The following RESP18 variants were observed in gnomAD, a reference collection of about 807,000 sequenced individuals.
RESP18 encodes regulated endocrine specific protein 18.
A neutral mutation model predicts 30.0 loss-of-function variants in RESP18; 30 were observed. That is an observed-to-expected ratio of 1.00 (90% CI 0.75 to 1.36). The LOEUF (loss-of-function observed/expected upper bound fraction) is 1.36. Ranked by LOEUF, RESP18 falls within the 40% of genes most tolerant of loss-of-function variation. The pLI is 0.00. For missense variants in RESP18, 320 were observed against 284.2 expected, an observed-to-expected ratio of 1.13 and a Z score of -0.91; for synonymous variants, 117 against 111.2, an observed-to-expected ratio of 1.05 and a Z score of -0.33.
intron 1 of RESP18, among the ~76,000 whole-genome samples, 158 bp from the exon 1 acceptor site, chr2:219,332,902 C>A (rs1166838388): frequency 6.6e-6 from 1 of 152,144 alleles, no homozygotes; most frequent in Non-Finnish European, 1.5e-5. Context: ...CGCCTGTACT[C>A]CCAGTCCTAA....
chr2:219,329,522 C>T (rs1182031027), intron 4 of RESP18, 115 bp downstream of exon 3: 1 of 1,416,610 alleles, frequency 7.1e-7, no homozygotes, highest in Non-Finnish European at 9.4e-7. Flanking sequence ...AACAGGACCT[C>T]TGAATTCTCA....
chr2:219,328,793 CTG>C, intron 6 of RESP18, 129 bp downstream of exon 5: 1 of 633,868 alleles, frequency 1.6e-6, no homozygotes, highest in Non-Finnish European at 2.8e-6. Flanking sequence ...GTGAGGGTCT[CTG>C]AGCTGCACCT....
At position 219,331,413 on chromosome 2, in the gene RESP18, C is replaced by T. The variant is rs1381419626; in HGVS notation, c.233-538G>A. On this transcript the variant is annotated intron_variant, in intron 2 of 6. Coordinates refer to ENST00000333527, the MANE Select transcript of RESP18 (RefSeq NM_001007089.4). Reference sequence around the variant, plus strand: ...TAATGCTATGCACACCTTCCTTCTTCCAGATCAGTGAGATAGGGCTGGAGG... The same window carrying T: ...TAATGCTATGCACACCTTCCTTCTTTCAGATCAGTGAGATAGGGCTGGAGG... Among the ~76,000 whole-genome samples, 6 of 152,280 alleles carry T rather than the reference C, an allele frequency of 3.9e-5. No individual in the cohort carries two copies. The South Asian group carries it at 1.0e-3, about 26-fold the overall frequency.
At chr2:219,331,900 C>A (rs1203521118) in intron 2 of RESP18, among the ~76,000 whole-genome samples, 1 of 152,250 alleles carries the variant, frequency 6.6e-6, no homozygotes, top group African/African-American at 2.4e-5. Context: ...CCTGAATCCG[C>A]TGCATTGGCC....
At chr2:219,327,751 C>T (rs72957431) in intron 6 of RESP18, among the ~76,000 whole-genome samples, 188 bp from the exon 6 acceptor site, 298 of 152,310 alleles carry the variant, frequency 2.0e-3, no homozygotes, top group Admixed American at 3.6e-3. Flanking sequence ...CCATGGTTTG[C>T]CCTTAAGCTT....
At chr2:219,332,841 G>C in intron 1 of RESP18, 97 bp from the exon 1 acceptor site, 1 of 967,050 alleles carries the variant, frequency 1.0e-6, no homozygotes. Context: ...CTCATCTCTT[G>C]GAATTCCTGA....
chr2:219,327,688 A>G, intron 6 of RESP18, 125 bp from the exon 6 acceptor site: 1 of 806,750 alleles, frequency 1.2e-6, no homozygotes, highest in Non-Finnish European at 2.1e-6. Context: ...GCATGGTGAC[A>G]GCTCACCAAC....
chr2:219,330,113 G>C (rs1028326406), intron 3 of RESP18, among the ~76,000 whole-genome samples: 8 of 152,132 alleles, frequency 5.3e-5, no homozygotes, highest in African/African-American at 1.9e-4. Context: ...CCCACCCCTA[G>C]GGCTTCTGAT....
intron 6 of RESP18, among the ~76,000 whole-genome samples, chr2:219,327,791 T>C (rs1284754569): frequency 1.3e-5 from 2 of 152,174 alleles, no homozygotes; most frequent in African/African-American, 2.4e-5. Flanking sequence ...AGCTTCTTGT[T>C]TGCATTATTC....
chr2:219,333,048 CTT>C lies in RESP18; in HGVS notation c.17+111_17+112del, dbSNP rs200592684. ...AGTTTATTTTATTATCCTTGACACTCTTTACTCTGGCCCACTTAAAACCCTTT... is the reference window on the plus strand; with the variant it reads ...AGTTTATTTTATTATCCTTGACACTCTACTCTGGCCCACTTAAAACCCTTT... On this transcript the variant is annotated intron_variant, in intron 1 of 6. Transcript: ENST00000333527. 654 of 976,858 alleles carry C rather than the reference CTT, an allele frequency of 6.7e-4. 8 individuals carry two copies. In the East Asian group the frequency reaches 0.017, roughly 25 times the overall value. 60.5% of individuals were successfully genotyped at this position (976,858 alleles called of 1,614,324 possible).
chr2:219,329,525 A>AATT (rs3832109), intron 4 of RESP18, 112 bp downstream of exon 3: 472,873 of 1,538,198 alleles, frequency 0.31, 86,899 homozygotes, highest in African/African-American at 0.85. Flanking sequence ...AGGACCTCTG[A>AATT]ATTCTCACAG....
At chr2:219,331,014 A>C (rs1952825405) in intron 2 of RESP18, 139 bp from the exon 2 acceptor site, 7 of 597,448 alleles carry the variant, frequency 1.2e-5, no homozygotes, top group East Asian at 2.9e-5. Context: ...TGTCCACTTC[A>C]AGTCTTCTTT....
chr2:219,331,633 G>T (rs557615336), intron 2 of RESP18, among the ~76,000 whole-genome samples: 3 of 152,226 alleles, frequency 2.0e-5, no homozygotes, highest in Non-Finnish European at 4.4e-5. Flanking sequence ...ACCCTGAGGA[G>T]AAGGGAAAGA....
In RESP18 at chr2:219,329,489, G is replaced by A. The variant is rs1574948008; in HGVS notation, c.465+148C>T. On this transcript the variant is annotated intron_variant, in intron 4 of 6. Coordinates refer to ENST00000333527, the MANE Select transcript of RESP18 (RefSeq NM_001007089.4). The stretch of plus-strand genomic sequence containing the variant: ...TTTGCAGATATCACTAATGGATCAT[G>A]AAATTCTTCTCTGCTGATTCCAAAC... The A allele has an allele frequency of 1.9e-6, 3 of 1,547,270 alleles. No individual in the cohort carries two copies. In the South Asian group the frequency reaches 3.6e-5, roughly 18 times the overall value.
chr2:219,332,680 C>T lies in RESP18; in HGVS notation c.76G>A (p.Ala26Thr), dbSNP rs1344013759. Residue 26 changes from alanine to threonine, a missense_variant, in exon 2 of 7, where the codon GCT (alanine) becomes ACT (threonine). Physicochemically the swap from Ala to Thr is moderately conservative, Grantham distance 58 (BLOSUM62 0). Transcript: ENST00000333527. ...CCCGGCCAAGTCTCAGTGAAGGTAG[C>T]GGCCACGGCCGAGGGGCTGAGCGGG... 1.9e-6 allele frequency: 3 copies of T among 1,550,942 alleles called. No homozygotes were observed. Among genetic ancestry groups the T allele is most frequent in the Middle Eastern group, 1.7e-4 (1 of 5,992 alleles).
In RESP18 at chr2:219,327,674, T is replaced by G. The variant is rs892169983; in HGVS notation, c.641-111A>C. The G allele has an allele frequency of 7.7e-6, 7 of 905,192 alleles. No individual in the cohort carries two copies. In the Admixed American group the frequency reaches 1.0e-4, roughly 13 times the overall value. The allele number at this position is 905,192 out of a possible 1,614,324, so 56.1% of individuals were successfully genotyped here. A position where few individuals can be genotyped will look rare whatever the true frequency, so the allele number is the denominator to read the frequency against. The stretch of plus-strand genomic sequence containing the variant: ...AGTAACAGCCTGATTTGAGTAACCC[T>G]TCAGCATGGTGACAGCTCACCAACT... On this transcript the variant is annotated intron_variant, in intron 6 of 6. Transcript: ENST00000333527.
Position 219,329,226 on chromosome 2 carries a change from A to T in RESP18, c.492T>A (p.Asp164Glu). Residue 164 changes from aspartate (D) to glutamate (E), a missense_variant, in exon 5 of 7, where the codon GAT becomes GAA. Physicochemically the swap from Asp to Glu is conservative, Grantham distance 45. Coordinates refer to ENST00000333527, the MANE Select transcript of RESP18 (RefSeq NM_001007089.4). ...AAACCACTTCGGAGGTAAAGCACTG[A>T]TCCCTGTTCACCTTGGCCAGGGGGC... The T allele has an allele frequency of 1.3e-6, 2 of 1,551,672 alleles. No individual in the cohort carries two copies. The highest frequency in any genetic ancestry group is 1.7e-6 in the Non-Finnish European group (2 of 1,146,970).
At position 219,330,831 on chromosome 2, in the gene RESP18, C is replaced by T; in HGVS notation, c.277G>A (p.Gly93Arg). 1 of 1,551,534 alleles carries T rather than the reference C, an allele frequency of 6.4e-7. No individual in the cohort carries two copies. Among genetic ancestry groups the T allele is most frequent in the Non-Finnish European group, 8.7e-7 (1 of 1,146,934 alleles). The change falls in exon 3 of 7, where the codon GGA becomes AGA. Residue 93 changes from glycine (G) to arginine (R), a missense_variant. Coordinates refer to ENST00000333527, the MANE Select transcript of RESP18 (RefSeq NM_001007089.4). ...TGCTGGAAGACTGGGGTGGCAAATC[C>T]TTGGAGGGGCCAAAGCTGCCCCACT...
intron 6 of RESP18, among the ~76,000 whole-genome samples, chr2:219,328,596 A>G (rs181013151): frequency 2.0e-5 from 3 of 152,330 alleles, no homozygotes; most frequent in African/African-American, 7.2e-5. Flanking sequence ...CCACAAACCC[A>G]TGGTGTTGCC....
Sources: gnomAD v4.1 joint callset for allele counts (sites outside exome capture counted in the v4.1 genomes callset) on GRCh38, gnomAD v4.1.1 for gene constraint, MANE v1.5 for transcripts, NCBI Gene and HGNC (gene_info 2026-07-23, HGNC 2026-07-21) for gene names.